The following DDX19B variants were observed in gnomAD, a reference collection of about 807,000 sequenced individuals.
The protein encoded by DDX19B is ATP-dependent RNA helicase DDX19B.
DDX19B carries 27 observed loss-of-function variants against 58.1 expected under a neutral mutation model. The ratio of observed to expected loss-of-function variants is 0.46; its 90% CI spans 0.34 to 0.64. The LOEUF (loss-of-function observed/expected upper bound fraction) is 0.64, where lower values mean the gene tolerates loss of function less well. Ranked by LOEUF, DDX19B falls within the 30% of genes least tolerant of loss-of-function variation. The probability of loss-of-function intolerance (pLI) is 0.01; values close to 1 mark genes in which losing one functional copy is unlikely to be tolerated. For missense variants in DDX19B, 399 were observed against 596.5 expected (o/e 0.67, Z 3.45); for synonymous variants, 187 against 214.4 (o/e 0.87, Z 1.12).
At chr16:70,314,688 A>G (rs1366940845) in intron 2 of DDX19B, 2 of 225,844 alleles carry the variant, frequency 8.9e-6, no homozygotes, top group Non-Finnish European at 1.7e-5. Flanking sequence ...AATAAAATAA[A>G]TATCTATCTA....
chr16:70,308,065 G>A (rs1330215169), intron 1 of DDX19B, among the ~76,000 whole-genome samples: 1 of 151,500 alleles, frequency 6.6e-6, no homozygotes, highest in East Asian at 1.9e-4. Context: ...TAATTCTCCT[G>A]CCTCAGCCTC....
intron 2 of DDX19B, 53 bp from the exon 3 acceptor site, chr16:70,314,849 A>G: frequency 6.3e-7 from 1 of 1,590,604 alleles, no homozygotes; most frequent in African/African-American, 1.3e-5. Flanking sequence ...AATTGTCTCA[A>G]CTGTTGGGTA....
At chr16:70,293,252 A>C (rs911100806), upstream of DDX19B, among the ~76,000 whole-genome samples, 1 of 151,980 alleles carries the variant, frequency 6.6e-6, no homozygotes, top group Non-Finnish European at 1.5e-5. Context: ...CTCAACCTCT[A>C]CAAAAAAATA....
intron 1 of DDX19B, 21 bp from the exon 2 acceptor site, chr16:70,312,588 T>TC (rs764453955): frequency 6.2e-7 from 1 of 1,610,364 alleles, no homozygotes; most frequent in Non-Finnish European, 8.5e-7. Context: ...ACTTTCCCCC[T>TC]CCCCCATATT....
rs547675730 is a variant in DDX19B at position 70,325,678 on chromosome 16, A to T, written c.597A>T (p.Arg199=). 5.0e-6 allele frequency: 8 copies of T among 1,611,324 alleles called. No individual in the cohort carries two copies. In the African/African-American group the frequency reaches 1.1e-4, roughly 21 times the overall value. Residue 199 remains arginine, a synonymous_variant, in exon 7 of 12, where the codon CGA becomes CGT. Coordinates refer to ENST00000288071, the MANE Select transcript of DDX19B (RefSeq NM_007242.7). ...AACTGAAGCTAGCTTATGCTGTTCG[A>T]GGCAATAAATGTGAGTATGTGAATT... ...YPELKLAYAV[R]GNKLERGQKI... is the part of the protein sequence containing the mutation.
upstream of DDX19B, chr16:70,290,082 A>G (rs546788244): frequency 2.5e-5 from 7 of 285,042 alleles, no homozygotes; most frequent in South Asian, 1.7e-4. Context: ...GGCCTGGGGG[A>G]GGAGGGTGAA....
At chr16:70,309,929 C>T (rs1387394806) in intron 1 of DDX19B, among the ~76,000 whole-genome samples, 1 of 151,982 alleles carries the variant, frequency 6.6e-6, no homozygotes, top group Admixed American at 6.6e-5. Context: ...TCCCCTTTCG[C>T]CTGTTCTTGG....
intron 5 of DDX19B, chr16:70,319,496 T>C (rs990721880): frequency 6.6e-6 from 1 of 152,144 alleles, no homozygotes; most frequent in African/African-American, 2.4e-5. Flanking sequence ...TTCTAGAGCA[T>C]GATGGAATTT....
At chr16:70,328,359 ATTTTT>A (rs1202085538) in intron 7 of DDX19B, among the ~76,000 whole-genome samples, 15 of 131,374 alleles carry the variant, frequency 1.1e-4, no homozygotes, top group Non-Finnish European at 2.1e-4. Flanking sequence ...AGAATTCTGA[ATTTTT>A]TTTTTTTTTT....
rs1352225723 is a variant in DDX19B, at chr16:70,334,542, G to C, written c.*960G>C. ...TGATCAGCAGTAGTCACAAATTCTT[G>C]TTTTGTCTCCACACCCAGAAGGCAA... On this transcript the variant is annotated 3_prime_UTR_variant, in exon 12 of 12. Coordinates refer to ENST00000288071, the MANE Select transcript of DDX19B (RefSeq NM_007242.7). The C allele has an allele frequency of 6.6e-6, 1 of 152,144 alleles. No individual in the cohort carries two copies. The highest frequency in any genetic ancestry group is 1.5e-5 in the Non-Finnish European group (1 of 68,030). 9.4% of individuals were successfully genotyped at this position (152,144 alleles called of 1,614,324 possible).
chr16:70,312,790 T>C (rs1962160330), intron 2 of DDX19B, 133 bp downstream of exon 2: 7 of 675,596 alleles, frequency 1.0e-5, no homozygotes, highest in African/African-American at 1.8e-5. Context: ...ACCATTTGAT[T>C]TGTAAATCAA....
chr16:70,294,108 G>A (rs1961133687), upstream of DDX19B, among the ~76,000 whole-genome samples: 1 of 111,158 alleles, frequency 9.0e-6, no homozygotes, highest in African/African-American at 3.6e-5. Flanking sequence ...TTGAGACGGA[G>A]TCTCACTCTG....
At chr16:70,333,366 G>C (rs931095988) in intron 11 of DDX19B, among the ~76,000 whole-genome samples, 155 bp from the exon 12 acceptor site, 1 of 152,186 alleles carries the variant, frequency 6.6e-6, no homozygotes, top group African/African-American at 2.4e-5. Context: ...ACTGGGCTTC[G>C]GGGCGTGGGG....
In DDX19B at chr16:70,313,054, T is replaced by C. The variant is rs188414473; in HGVS notation, c.106+397T>C. Among the ~76,000 whole-genome samples the C allele has an allele frequency of 3.3e-3, 497 of 152,246 alleles. 2 individuals are homozygous for C. The highest frequency in any genetic ancestry group is 0.011 in the African/African-American group (443 of 41,554). Reference sequence around the variant, plus strand: ...ATTTTTTTGAGACAGAGTCTCGCTCTGTTGCCCAGGCTGGAGTGCAGTGGC... The same window carrying C: ...ATTTTTTTGAGACAGAGTCTCGCTCCGTTGCCCAGGCTGGAGTGCAGTGGC... On this transcript the variant is annotated intron_variant, in intron 2 of 11. Coordinates refer to ENST00000288071, the MANE Select transcript of DDX19B (RefSeq NM_007242.7).
At chr16:70,327,040 T>C (rs1253943305) in intron 7 of DDX19B, among the ~76,000 whole-genome samples, 3 of 150,404 alleles carry the variant, frequency 2.0e-5, no homozygotes, top group African/African-American at 7.3e-5. Flanking sequence ...TTCACTGTGT[T>C]AGCCAGGATG....
At chr16:70,313,111 C>T (rs565353219) in intron 2 of DDX19B, among the ~76,000 whole-genome samples, 37 of 152,296 alleles carry the variant, frequency 2.4e-4, no homozygotes, top group Admixed American at 9.2e-4. Context: ...CTCCACCTCC[C>T]GGCTTCACAC....
At chr16:70,323,905 T>G (rs942024772) in intron 5 of DDX19B, among the ~76,000 whole-genome samples, 3 of 152,036 alleles carry the variant, frequency 2.0e-5, no homozygotes, top group Non-Finnish European at 4.4e-5. Context: ...GGGCAAAGAC[T>G]TGAAGGAGAG....
Position 70,314,911 on chromosome 16 carries a change from T to A in DDX19B, c.116T>A (p.Val39Asp). The A allele has an allele frequency of 6.2e-7, 1 of 1,609,342 alleles. No homozygotes were observed. Among genetic ancestry groups the A allele is most frequent in the South Asian group, 1.1e-5 (1 of 91,022 alleles). The change falls in exon 3 of 12, where the codon GTC becomes GAC. Residue 39 changes from valine (V) to aspartate (D), a missense_variant. Around this residue, in one of 4 missense-constraint regions of DDX19B, gnomAD observed 132 missense variants for 159.4 expected, o/e 0.83. Transcript: ENST00000288071. ...CTTTGTGTCTATAAAGGTGCTGTTGTCAAGACCAATGCCAATGCAGAGAAG... is the reference window on the plus strand; with the variant it reads ...CTTTGTGTCTATAAAGGTGCTGTTGACAAGACCAATGCCAATGCAGAGAAG... The part of the protein sequence containing the change: ...KIKPDTNGAV[V>D]KTNANAEKTD...
chr16:70,295,026 C>G, upstream of DDX19B: 1 of 1,359,632 alleles, frequency 7.4e-7, no homozygotes, highest in Non-Finnish European at 9.5e-7. Flanking sequence ...GGCTTCGGCC[C>G]AAGGTCTTAG....
Sources: gnomAD v4.1 joint callset for allele counts (sites outside exome capture counted in the v4.1 genomes callset) on GRCh38, gnomAD v4.1.1 for gene constraint, gnomAD v4.1.1 regional missense constraint, MANE v1.5 for transcripts, NCBI Gene and HGNC (gene_info 2026-07-23, HGNC 2026-07-21) for gene names.